The following FYN variants were observed in gnomAD, a reference collection of about 807,000 sequenced individuals.
The protein encoded by FYN is tyrosine-protein kinase Fyn.
FYN carries 10 observed loss-of-function variants against 70.2 expected under a neutral mutation model. The observed-to-expected ratio is 0.14, with a 90% confidence interval of 0.09 to 0.24. The LOEUF (loss-of-function observed/expected upper bound fraction) is 0.24, where lower values mean the gene tolerates loss of function less well. Among genes scored for constraint, FYN ranks in the 10% least tolerant of loss-of-function variants. FYN has a pLI of 1.00. For synonymous variants in FYN, 236 were observed against 248.6 expected, an observed-to-expected ratio of 0.95 and a Z score of 0.48; for missense variants, 319 against 673.1, an observed-to-expected ratio of 0.47 and a Z score of 5.82.
chr6:111,788,355 G>A (rs948984892), intron 2 of FYN, among the ~76,000 whole-genome samples: 2 of 152,100 alleles, frequency 1.3e-5, no homozygotes, highest in African/African-American at 4.8e-5. Context: ...ATCCTTTTTC[G>A]TTCACCTCTG....
chr6:111,777,249 G>T (rs1356497921), intron 3 of FYN, among the ~76,000 whole-genome samples: 3 of 152,048 alleles, frequency 2.0e-5, no homozygotes, highest in African/African-American at 7.2e-5. Flanking sequence ...TGGAGTTAGG[G>T]GTAATAGAAG....
At chr6:111,684,448 G>A (rs1197617515) in intron 12 of FYN, among the ~76,000 whole-genome samples, 1 of 152,190 alleles carries the variant, frequency 6.6e-6, no homozygotes, top group Non-Finnish European at 1.5e-5. Context: ...GAGGACACAG[G>A]GGAGTAGGCT....
intron 5 of FYN, among the ~76,000 whole-genome samples, chr6:111,708,776 A>G (rs1800230209): frequency 6.6e-6 from 1 of 152,210 alleles, no homozygotes; most frequent in African/African-American, 2.4e-5. Flanking sequence ...TGAGATTTTT[A>G]GTCACGCCAC....
At chr6:111,685,721 C>T (rs1484192994) in intron 12 of FYN, among the ~76,000 whole-genome samples, 3 of 152,362 alleles carry the variant, frequency 2.0e-5, no homozygotes, top group Admixed American at 6.5e-5. Context: ...CCATCTGCTT[C>T]CTTCTTGATG....
intron 1 of FYN, among the ~76,000 whole-genome samples, chr6:111,853,973 A>T (rs889136880): frequency 6.6e-6 from 1 of 152,248 alleles, no homozygotes. Flanking sequence ...GGTGGAAAGC[A>T]GATGGAGAAA....
intron 3 of FYN, among the ~76,000 whole-genome samples, chr6:111,722,142 A>G (rs1800981429): frequency 6.6e-6 from 1 of 152,154 alleles, no homozygotes; most frequent in Admixed American, 6.5e-5. Context: ...ACTGTTCTAA[A>G]GCTCTCTCAT....
intron 12 of FYN, among the ~76,000 whole-genome samples, chr6:111,686,931 A>G (rs1473076396): frequency 6.6e-6 from 1 of 152,238 alleles, no homozygotes; most frequent in Non-Finnish European, 1.5e-5. Context: ...CAGGAATTGA[A>G]TTCACAGTTC....
chr6:111,810,249 CT>C (rs1772281898), intron 2 of FYN, among the ~76,000 whole-genome samples: 1 of 152,160 alleles, frequency 6.6e-6, no homozygotes, highest in Non-Finnish European at 1.5e-5. Flanking sequence ...GTCTCCTTGT[CT>C]GTTGGCATCA....
intron 2 of FYN, among the ~76,000 whole-genome samples, chr6:111,808,109 A>AAAAAAAC (rs769373185): frequency 3.3e-5 from 5 of 152,142 alleles, no homozygotes; most frequent in African/African-American, 7.2e-5. Context: ...CTCAGCCTCA[A>AAAAAAAC]AAAAAACAAA....
In FYN at chr6:111,737,506, G is replaced by A. The variant is rs556107897; in HGVS notation, c.-11-17444C>T. ...AAAGGATGTTTTAAAGGATACAGAT[G>A]AAGAGATACACAGGGTGAGGTATGA... On this transcript the variant is annotated intron_variant, in intron 3 of 13. Coordinates refer to ENST00000354650, the MANE Select transcript of FYN (RefSeq NM_002037.5). Among the ~76,000 whole-genome samples the A allele has an allele frequency of 3.9e-5, 6 of 152,314 alleles. No individual in the cohort carries two copies. The South Asian group carries it at 1.2e-3, about 32-fold the overall frequency.
At chr6:111,773,596 A>AAGGGACAGAGGGGG (rs1803574354) in intron 3 of FYN, among the ~76,000 whole-genome samples, 3 of 18,976 alleles carry the variant, frequency 1.6e-4, no homozygotes, top group Non-Finnish European at 2.6e-4. Context: ...GGGAAAGGGA[A>AAGGGACAGAGGGGG]AGGGAGAGAG....
intron 12 of FYN, chr6:111,676,625 G>A (rs535848231): frequency 6.6e-6 from 1 of 152,294 alleles, no homozygotes; most frequent in East Asian, 1.9e-4. Flanking sequence ...CTCAGCTGGA[G>A]TTCTCTTACT....
intron 12 of FYN, among the ~76,000 whole-genome samples, chr6:111,690,812 T>C (rs776048918): frequency 2.6e-5 from 4 of 152,170 alleles, no homozygotes; most frequent in Non-Finnish European, 5.9e-5. Context: ...CCCCAGAACA[T>C]CAGGTGGTAG....
chr6:111,789,825 C>T (rs771727609), intron 2 of FYN, among the ~76,000 whole-genome samples: 3 of 152,182 alleles, frequency 2.0e-5, no homozygotes, highest in South Asian at 2.1e-4. Context: ...ATGATGCAAG[C>T]GCAGCTGCTG....
chr6:111,771,494 C>T (rs762815834), intron 3 of FYN, among the ~76,000 whole-genome samples: 3 of 152,082 alleles, frequency 2.0e-5, no homozygotes, highest in South Asian at 2.1e-4. Context: ...TTCTATGAAA[C>T]CCAACTTTCC....
chr6:111,855,347 A>C (rs1451082658), intron 1 of FYN, among the ~76,000 whole-genome samples: 3 of 152,202 alleles, frequency 2.0e-5, no homozygotes, highest in Non-Finnish European at 2.9e-5. Flanking sequence ...GAATAATACA[A>C]ATTTTGTGAT....
At chr6:111,718,473 T>C (rs775887149) in intron 4 of FYN, among the ~76,000 whole-genome samples, 3 of 152,190 alleles carry the variant, frequency 2.0e-5, no homozygotes, top group Non-Finnish European at 2.9e-5. Context: ...CTCTAGTGAC[T>C]TTAATGAATG....
chr6:111,790,565 G>A (rs1771581617), intron 2 of FYN, among the ~76,000 whole-genome samples: 1 of 152,062 alleles, frequency 6.6e-6, no homozygotes, highest in East Asian at 1.9e-4. Context: ...ATCTACCAGG[G>A]GTTCCCTACC....
At chr6:111,820,801 C>T (rs1270219298) in intron 2 of FYN, among the ~76,000 whole-genome samples, 1 of 151,908 alleles carries the variant, frequency 6.6e-6, no homozygotes, top group Non-Finnish European at 1.5e-5. Flanking sequence ...TGGGAAATAC[C>T]AACATTTAAG....
Sources: allele counts gnomAD v4.1 joint callset (sites outside exome capture counted in the v4.1 genomes callset), GRCh38; gene constraint gnomAD v4.1.1; transcripts MANE v1.5; gene names NCBI Gene and HGNC (gene_info 2026-07-23, HGNC 2026-07-21).